Variants in DLG2 observed in about 807,000 individuals in gnomAD.
DLG2 encodes the protein disks large homolog 2.
In DLG2, 45 loss-of-function variants were observed where a neutral mutation model predicts 132.5. The ratio of observed to expected loss-of-function variants is 0.34; its 90% CI spans 0.27 to 0.44. The LOEUF is 0.44. Among genes scored for constraint, DLG2 ranks in the 20% least tolerant of loss-of-function variants. The probability of loss-of-function intolerance (pLI) is 1.00; values close to 1 mark genes in which losing one functional copy is unlikely to be tolerated. For missense variants in DLG2, 1,045 were observed against 1,196.9 expected (o/e 0.87, Z 1.87); for synonymous variants, 424 against 419.6 (o/e 1.01, Z -0.13).
intron 3 of DLG2, chr11:85,453,169 T>TA (rs1366256719): frequency 1.3e-5 from 4 of 304,710 alleles, no homozygotes; most frequent in African/African-American, 8.8e-5. Flanking sequence ...TTCCTTCTGA[T>TA]AGCATCATTT....
intron 2 of DLG2, among the ~76,000 whole-genome samples, chr11:85,605,954 G>A (rs1254659453): frequency 6.6e-6 from 1 of 152,114 alleles, no homozygotes; most frequent in Non-Finnish European, 1.5e-5. Context: ...CTCCAGCATG[G>A]GTGACAGACA....
chr11:84,160,473 G>A (rs75788644), intron 9 of DLG2, among the ~76,000 whole-genome samples: 14,259 of 152,202 alleles, frequency 0.094, 886 homozygotes, highest in African/African-American at 0.17. Flanking sequence ...TTGTGGGGAT[G>A]AGAACATGAA....
intron 6 of DLG2, among the ~76,000 whole-genome samples, chr11:84,626,562 A>G (rs563160062): frequency 6.6e-6 from 1 of 152,270 alleles, no homozygotes; most frequent in Non-Finnish European, 1.5e-5. Context: ...GCTAAAATAT[A>G]TTTTGGCCTG....
At chr11:84,487,516 G>A (rs990268786) in intron 7 of DLG2, among the ~76,000 whole-genome samples, 4 of 151,964 alleles carry the variant, frequency 2.6e-5, no homozygotes, top group African/African-American at 9.7e-5. Context: ...ATAATATAAA[G>A]TTTACTCACT....
intron 4 of DLG2, among the ~76,000 whole-genome samples, chr11:85,171,487 C>T (rs995201614): frequency 1.3e-5 from 2 of 152,186 alleles, no homozygotes; most frequent in Admixed American, 1.3e-4. Context: ...CACATAATGG[C>T]CACTGGGGCA....
intron 6 of DLG2, among the ~76,000 whole-genome samples, chr11:84,827,938 G>A (rs1007900515): frequency 6.6e-6 from 1 of 151,760 alleles, no homozygotes; most frequent in Admixed American, 6.6e-5. Context: ...GTAGAAAGGT[G>A]CATAGGTTTT....
chr11:85,220,151 A>T (rs2074538349), intron 4 of DLG2, among the ~76,000 whole-genome samples: 1 of 152,142 alleles, frequency 6.6e-6, no homozygotes, highest in Non-Finnish European at 1.5e-5. Context: ...GGAGACAGAT[A>T]AAGAAATATG....
rs2062121799 is a variant in DLG2, at chr11:84,724,030, T to C, written c.358-189299A>G. On this transcript the variant is annotated intron_variant, in intron 6 of 27. Coordinates refer to ENST00000376104, the MANE Select transcript of DLG2 (RefSeq NM_001142699.3). ...AAGAGGCATTAGCTAGTTATGCATC[T>C]TTTTTCTTTGCTGATCCTTTTCATA... Among the ~76,000 whole-genome samples the C allele has an allele frequency of 2.6e-5, 4 of 152,310 alleles. 1 individual carries two copies. The South Asian group carries it at 8.3e-4, about 32-fold the overall frequency.
intron 3 of DLG2, among the ~76,000 whole-genome samples, chr11:85,459,612 C>T (rs2153054740): frequency 6.6e-6 from 1 of 152,172 alleles, no homozygotes; most frequent in Admixed American, 6.5e-5. Flanking sequence ...GGGGTGGGAG[C>T]TCCCAGGGAA....
At chr11:83,734,417 TTCCCTCCC>T (rs1217275925) in intron 18 of DLG2, among the ~76,000 whole-genome samples, 1 of 140,886 alleles carries the variant, frequency 7.1e-6, no homozygotes, top group African/African-American at 2.6e-5. Context: ...CCCTCCCTCC[TTCCCTCCC>T]TCCTTCCTTT....
Position 85,406,538 on chromosome 11 carries a change from T to A in DLG2, c.41-121173A>T, listed in dbSNP as rs149184483. 1.4e-3 allele frequency among the ~76,000 whole-genome samples: 206 copies of A among 151,960 alleles called. 2 individuals are homozygous for A. Among genetic ancestry groups the A allele is most frequent in the African/African-American group, 4.5e-3 (188 of 41,498 alleles). On this transcript the variant is annotated intron_variant, in intron 3 of 27. Coordinates refer to ENST00000376104, the MANE Select transcript of DLG2 (RefSeq NM_001142699.3). ...ATGTTGCTGAGACAGAAGACCCAAT[T>A]ACAACTTTAGTGGCTAAACCATAAA...
chr11:85,085,720 A>G (rs1054311325), intron 6 of DLG2, among the ~76,000 whole-genome samples: 10 of 152,026 alleles, frequency 6.6e-5, no homozygotes, highest in African/African-American at 2.4e-4. Context: ...TTCCATCTTA[A>G]CTCTTTTTGC....
intron 4 of DLG2, among the ~76,000 whole-genome samples, chr11:85,217,597 C>T (rs991451503): frequency 1.3e-5 from 2 of 152,162 alleles, no homozygotes; most frequent in Non-Finnish European, 2.9e-5. Context: ...TTAGTTAGAG[C>T]CTTTCTATGT....
At chr11:84,028,222 G>C (rs928375226) in intron 11 of DLG2, among the ~76,000 whole-genome samples, 2 of 152,040 alleles carry the variant, frequency 1.3e-5, no homozygotes, top group Non-Finnish European at 2.9e-5. Flanking sequence ...CTCTGATCAT[G>C]ACATAGAGAG....
At chr11:84,978,546 C>T (rs930920590) in intron 6 of DLG2, among the ~76,000 whole-genome samples, 1 of 151,948 alleles carries the variant, frequency 6.6e-6, no homozygotes, top group Admixed American at 6.6e-5. Flanking sequence ...ACAAACCTGA[C>T]AAAAACAAGA....
chr11:84,006,521 A>G (rs920175668), intron 11 of DLG2, among the ~76,000 whole-genome samples: 30 of 151,642 alleles, frequency 2.0e-4, no homozygotes, highest in Non-Finnish European at 4.1e-4. Context: ...AGTATTTACA[A>G]TAAATACTTA....
At chr11:83,926,345 T>G (rs2078978311) in intron 15 of DLG2, among the ~76,000 whole-genome samples, 1 of 152,136 alleles carries the variant, frequency 6.6e-6, no homozygotes, top group Non-Finnish European at 1.5e-5. Context: ...CCAGAGCTAG[T>G]GCATATTCTA....
At chr11:85,051,871 T>C (rs1365490029) in intron 6 of DLG2, among the ~76,000 whole-genome samples, 1 of 152,016 alleles carries the variant, frequency 6.6e-6, no homozygotes, top group Admixed American at 6.6e-5. Context: ...ACCTAGTAAG[T>C]GATAATAGAC....
chr11:84,450,407 CTT>C (rs34295402), intron 7 of DLG2, among the ~76,000 whole-genome samples: 95 of 137,414 alleles, frequency 6.9e-4, no homozygotes, highest in African/African-American at 1.9e-3. Context: ...ACAAGAAGTA[CTT>C]TTTTTTTTTT....
Sources: gnomAD v4.1 joint callset for allele counts (sites outside exome capture counted in the v4.1 genomes callset) on GRCh38, gnomAD v4.1.1 for gene constraint, MANE v1.5 for transcripts, NCBI Gene and HGNC (gene_info 2026-07-23, HGNC 2026-07-21) for gene names.